ARID1B: variants seen among roughly 807,000 people sequenced by gnomAD.
The protein encoded by ARID1B is AT-rich interaction domain 1B, also known as AT-rich interactive domain-containing protein 1B.
A neutral mutation model predicts 212.3 loss-of-function variants in ARID1B; 30 were observed. That is an observed-to-expected ratio of 0.14 (90% CI 0.11 to 0.19). ARID1B has a LOEUF of 0.19. Ranked by LOEUF, ARID1B falls within the 10% of genes least tolerant of loss-of-function variation. The probability of loss-of-function intolerance (pLI) is 1.00; values close to 1 mark genes in which losing one functional copy is unlikely to be tolerated. For synonymous variants in ARID1B, 1,402 were observed against 1,301.7 expected (o/e 1.08, Z -1.66); for missense variants, 2,891 against 3,204.0 (o/e 0.90, Z 2.36).
intron 2 of ARID1B, among the ~76,000 whole-genome samples, chr6:156,831,641 G>A (rs1008611349): frequency 6.6e-6 from 1 of 152,204 alleles, no homozygotes; most frequent in Non-Finnish European, 1.5e-5. Flanking sequence ...GATATATAGA[G>A]TAATCTCAAT....
chr6:157,199,947 G>A (rs1320516782), intron 17 of ARID1B, among the ~76,000 whole-genome samples: 2 of 152,188 alleles, frequency 1.3e-5, no homozygotes, highest in African/African-American at 2.4e-5. Flanking sequence ...GATTACAGGC[G>A]TGAGTCACTG....
At chr6:156,897,270 A>C (rs12211340) in intron 2 of ARID1B, among the ~76,000 whole-genome samples, 10,347 of 80,678 alleles carry the variant, frequency 0.13, 491 homozygotes, top group East Asian at 0.35. Flanking sequence ...TCTTCTTATT[A>C]TTATTATTAT....
intron 12 of ARID1B, among the ~76,000 whole-genome samples, chr6:157,183,614 T>C (rs1185333246): frequency 6.6e-6 from 1 of 152,246 alleles, no homozygotes; most frequent in Non-Finnish European, 1.5e-5. Context: ...TGCGACTGTG[T>C]TGTCTCCAGC....
At chr6:156,987,009 A>T (rs1361369434) in intron 4 of ARID1B, among the ~76,000 whole-genome samples, 8 of 152,060 alleles carry the variant, frequency 5.3e-5, no homozygotes. Context: ...CAAGACCCTC[A>T]TCTCTACAAA....
chr6:156,820,261 T>C (rs1003251092), intron 1 of ARID1B, among the ~76,000 whole-genome samples: 1 of 152,126 alleles, frequency 6.6e-6, no homozygotes, highest in African/African-American at 2.4e-5. Context: ...GAAGGGTCTT[T>C]ACCTCTTTTA....
chr6:157,076,281 T>A (rs180679505), intron 4 of ARID1B, among the ~76,000 whole-genome samples: 271 of 151,822 alleles, frequency 1.8e-3, no homozygotes, highest in Non-Finnish European at 3.0e-3. Flanking sequence ...GTGAGTTGTG[T>A]GTTTTTCTGT....
intron 12 of ARID1B, among the ~76,000 whole-genome samples, chr6:157,182,341 C>T (rs1792610717): frequency 6.6e-6 from 1 of 152,208 alleles, no homozygotes; most frequent in Non-Finnish European, 1.5e-5. Context: ...TGTCTGACTC[C>T]AGACACATAC....
chr6:157,207,889 T>C lies in ARID1B; in HGVS notation c.7117T>C (p.Ter2373ArgextTer3). 4 of 1,486,382 alleles carry C rather than the reference T, an allele frequency of 2.7e-6. No individual in the cohort carries two copies. The highest frequency in any genetic ancestry group is 3.6e-6 in the Non-Finnish European group (4 of 1,115,340). The allele number at this position is 1,486,382 out of a possible 1,614,324, so 92.1% of individuals were successfully genotyped here. Residue 2373 changes from the stop codon to arginine, a stop_lost, in exon 20 of 20, where the codon TGA (stop) becomes CGA (arginine). Coordinates refer to ENST00000636930, the MANE Select transcript of ARID1B (RefSeq NM_001374828.1). The surrounding 1 kb of genome is among the most constrained non-coding windows in gnomAD (Gnocchi z 8.5). ...TGTACTGTTTCAGATTGGGCAGTTA[T>C]GACATAAGTGAGAAGGCAAGCATGT... Reference protein sequence around the residue: ...CDVLFQIGQL* With the variant: ...CDVLFQIGQLR
intron 1 of ARID1B, among the ~76,000 whole-genome samples, chr6:156,808,346 G>A (rs1781326484): frequency 6.6e-6 from 1 of 152,018 alleles, no homozygotes; most frequent in Non-Finnish European, 1.5e-5. Context: ...TTTTTGGTAT[G>A]GTACTCAATA....
chr6:157,160,448 G>C (rs1790853373), intron 8 of ARID1B, among the ~76,000 whole-genome samples: 1 of 152,152 alleles, frequency 6.6e-6, no homozygotes, highest in South Asian at 2.1e-4. Context: ...TCACCTCCAC[G>C]ATATTGCTCA....
Position 157,148,638 on chromosome 6 carries a change from C to T in ARID1B, c.2776C>T (p.Pro926Ser), listed in dbSNP as rs572020611. ...TTTTTGTTTAGGTAACTACTCCAGACCCCCAGCGTATAGTGGGGTGCCCAG... is the reference window on the plus strand; with the variant it reads ...TTTTTGTTTAGGTAACTACTCCAGATCCCCAGCGTATAGTGGGGTGCCCAG... The part of the protein sequence containing the change: ...QYGPQGNYSR[P>S]PAYSGVPSAS... Residue 926 changes from proline (P) to serine (S), a missense_variant, in exon 8 of 20, where the codon CCC (proline) becomes TCC (serine). Pro to Ser is a moderately conservative substitution (Grantham distance 74). Around this residue, in one of 7 missense-constraint regions of ARID1B, gnomAD observed 1,643 missense variants for 1,544.0 expected, o/e 1.06. Coordinates refer to ENST00000636930, the MANE Select transcript of ARID1B (RefSeq NM_001374828.1). The surrounding 1 kb of genome is among the most constrained non-coding windows in gnomAD (Gnocchi z 5.6). 1.9e-6 allele frequency: 3 copies of T among 1,588,466 alleles called. No individual in the cohort carries two copies. Among genetic ancestry groups the T allele is most frequent in the South Asian group, 2.2e-5 (2 of 90,568 alleles).
chr6:156,991,212 G>A (rs1032487833), intron 4 of ARID1B, among the ~76,000 whole-genome samples: 2 of 152,042 alleles, frequency 1.3e-5, no homozygotes, highest in Non-Finnish European at 2.9e-5. Context: ...AAATGGGGAT[G>A]CATTTCTTTC....
intron 1 of ARID1B, among the ~76,000 whole-genome samples, chr6:156,817,602 G>C (rs1240848689): frequency 2.0e-5 from 3 of 151,842 alleles, no homozygotes; most frequent in Non-Finnish European, 4.4e-5. Context: ...ACTCCAGCCT[G>C]TGTGACAGAG....
intron 8 of ARID1B, among the ~76,000 whole-genome samples, chr6:157,154,624 G>A (rs1790452384): frequency 7.2e-6 from 1 of 138,320 alleles, no homozygotes; most frequent in African/African-American, 2.8e-5. Context: ...TCTGTCGCCA[G>A]GCTGGAGTGC....
At chr6:157,038,096 T>C (rs964335382) in intron 4 of ARID1B, among the ~76,000 whole-genome samples, 1 of 152,240 alleles carries the variant, frequency 6.6e-6, no homozygotes, top group African/African-American at 2.4e-5. Context: ...TTTGTACATA[T>C]TTGGTGATAA....
intron 4 of ARID1B, among the ~76,000 whole-genome samples, chr6:157,021,049 T>C (rs763709327): frequency 7.1e-6 from 1 of 141,522 alleles, no homozygotes; most frequent in Admixed American, 7.0e-5. Context: ...CCTGCCCGGA[T>C]GCCTGCGCGG....
intron 4 of ARID1B, among the ~76,000 whole-genome samples, chr6:157,067,447 A>G (rs1007418132): frequency 1.3e-5 from 2 of 152,304 alleles, no homozygotes; most frequent in Middle Eastern, 6.8e-3. Context: ...CTCATTCCTG[A>G]GAATGGGGTA....
At chr6:157,095,447 G>A (rs1386751003) in intron 5 of ARID1B, among the ~76,000 whole-genome samples, 1 of 152,240 alleles carries the variant, frequency 6.6e-6, no homozygotes, top group Non-Finnish European at 1.5e-5. Context: ...CAAAAAGGTA[G>A]AGACTGTGAA....
chr6:156,966,386 C>CTTTTCTTTTTTTTTTTTTTTT (rs1794748843), intron 4 of ARID1B, among the ~76,000 whole-genome samples: 2 of 38,918 alleles, frequency 5.1e-5, no homozygotes, highest in African/African-American at 1.6e-4. Context: ...CTTTTCTTTT[C>CTTTTCTTTTTTTTTTTTTTTT]TTTTTTTTTT....
Sources: allele counts gnomAD v4.1 joint callset (sites outside exome capture counted in the v4.1 genomes callset), GRCh38; gene constraint gnomAD v4.1.1; regional missense constraint gnomAD v4.1.1; non-coding constraint Gnocchi (gnomAD v3.1); transcripts MANE v1.5; gene names NCBI Gene and HGNC (gene_info 2026-07-23, HGNC 2026-07-21).